The following RAB27B variants were observed in gnomAD, a reference collection of about 807,000 sequenced individuals.
RAB27B encodes the protein RAB27B, member RAS oncogene family, also known as ras-related protein Rab-27B.
A neutral mutation model predicts 24.6 loss-of-function variants in RAB27B; 15 were observed. The ratio of observed to expected loss-of-function variants is 0.61; its 90% confidence interval spans 0.41 to 0.94. The LOEUF (loss-of-function observed/expected upper bound fraction) is 0.94, where lower values mean the gene tolerates loss of function less well. RAB27B is among the 40% of genes least tolerant of loss of function. The probability of loss-of-function intolerance (pLI) is 0.00; values close to 1 mark genes in which losing one functional copy is unlikely to be tolerated. For synonymous variants in RAB27B, 105 were observed against 92.5 expected, an observed-to-expected ratio of 1.14 and a Z score of -0.78; for missense variants, 261 against 266.8, an observed-to-expected ratio of 0.98 and a Z score of 0.15.
intron 2 of RAB27B, among the ~76,000 whole-genome samples, chr18:54,721,384 G>A (rs1361042623): frequency 6.6e-6 from 1 of 152,138 alleles, no homozygotes; most frequent in East Asian, 1.9e-4. Flanking sequence ...TAACGCTAAG[G>A]AAACTTGTTG....
intron 1 of RAB27B, among the ~76,000 whole-genome samples, chr18:54,868,722 G>C (rs1215811167): frequency 6.6e-6 from 1 of 151,974 alleles, no homozygotes; most frequent in Non-Finnish European, 1.5e-5. Context: ...TGCCTCCCGG[G>C]TTCAAGTGAT....
intron 4 of RAB27B, among the ~76,000 whole-genome samples, chr18:54,886,748 G>C (rs1383834625): frequency 6.6e-6 from 1 of 151,842 alleles, no homozygotes; most frequent in Non-Finnish European, 1.5e-5. Context: ...GTCTCCAGAA[G>C]GATATTGCTG....
At chr18:54,797,746 G>C (rs1909470949) in intron 2 of RAB27B, among the ~76,000 whole-genome samples, 1 of 152,164 alleles carries the variant, frequency 6.6e-6, no homozygotes. Flanking sequence ...CTCGTCTCGG[G>C]AGTGGTCTGG....
At chr18:54,757,423 A>G (rs1259859123) in intron 2 of RAB27B, among the ~76,000 whole-genome samples, 1 of 152,226 alleles carries the variant, frequency 6.6e-6, no homozygotes, top group Non-Finnish European at 1.5e-5. Context: ...CTTCGCAATT[A>G]TCATACCTTT....
chr18:54,775,052 A>G (rs7227986), intron 2 of RAB27B, among the ~76,000 whole-genome samples: 68,302 of 152,008 alleles, frequency 0.45, 17,195 homozygotes, highest in Middle Eastern at 0.59. Context: ...GCATCCTGGG[A>G]GGAACTTGGC....
intron 2 of RAB27B, among the ~76,000 whole-genome samples, chr18:54,783,643 G>A (rs1908988205): frequency 6.6e-6 from 1 of 152,124 alleles, no homozygotes; most frequent in Non-Finnish European, 1.5e-5. Flanking sequence ...TTATTGTGAG[G>A]ATGCACGGGT....
At chr18:54,761,367 A>T (rs2145051075) in intron 2 of RAB27B, among the ~76,000 whole-genome samples, 1 of 152,320 alleles carries the variant, frequency 6.6e-6, no homozygotes, top group South Asian at 2.1e-4. Context: ...GAAATTCAAC[A>T]CATTTATTCA....
chr18:54,850,675 A>AT (rs571282213), intron 1 of RAB27B, among the ~76,000 whole-genome samples: 3 of 150,930 alleles, frequency 2.0e-5, no homozygotes, highest in South Asian at 2.1e-4. Flanking sequence ...TTCAGAATGT[A>AT]TTTTTTTGCC....
chr18:54,766,250 A>G (rs955742525), intron 2 of RAB27B, among the ~76,000 whole-genome samples: 1 of 152,220 alleles, frequency 6.6e-6, no homozygotes, highest in Non-Finnish European at 1.5e-5. Context: ...AGCAAAGTCA[A>G]CAGGAAACAC....
intron 2 of RAB27B, among the ~76,000 whole-genome samples, chr18:54,734,325 G>T (rs1346882603): frequency 6.6e-6 from 1 of 152,082 alleles, no homozygotes; most frequent in African/African-American, 2.4e-5. Flanking sequence ...ATCCCTAAGA[G>T]CCTGTTCTTT....
chr18:54,778,784 T>C (rs1029043621), intron 2 of RAB27B, among the ~76,000 whole-genome samples: 2 of 152,152 alleles, frequency 1.3e-5, no homozygotes, highest in Non-Finnish European at 2.9e-5. Context: ...CTCTGCTTTG[T>C]TCAGCCTAGC....
chr18:54,884,460 A>G, intron 4 of RAB27B, 24 bp downstream of exon 4: 1 of 1,508,648 alleles, frequency 6.6e-7, no homozygotes, highest in Non-Finnish European at 9.2e-7. Flanking sequence ...AGTAATGTGC[A>G]TTGGCCGCTT....
chr18:54,748,418 T>C (rs899817318), intron 2 of RAB27B, among the ~76,000 whole-genome samples: 1 of 152,210 alleles, frequency 6.6e-6, no homozygotes, highest in African/African-American at 2.4e-5. Flanking sequence ...ATTAATAAAA[T>C]ACAACCATTT....
chr18:54,819,652 G>C (rs1418459384), intron 2 of RAB27B, among the ~76,000 whole-genome samples: 2 of 150,794 alleles, frequency 1.3e-5, no homozygotes, highest in Non-Finnish European at 2.9e-5. Context: ...TACAGTTTTA[G>C]AGTACATGTG....
intron 2 of RAB27B, among the ~76,000 whole-genome samples, chr18:54,759,997 C>T (rs750239100): frequency 1.3e-5 from 2 of 152,124 alleles, no homozygotes; most frequent in Non-Finnish European, 2.9e-5. Flanking sequence ...AACAAGAGCT[C>T]GGGATACAGA....
upstream of RAB27B, among the ~76,000 whole-genome samples, chr18:54,824,426 C>T (rs1296575484): frequency 6.6e-6 from 1 of 152,222 alleles, no homozygotes; most frequent in Non-Finnish European, 1.5e-5. Flanking sequence ...AAGTTTACTT[C>T]TAGCTCATGT....
chr18:54,824,753 G>A (rs1910419436), upstream of RAB27B, among the ~76,000 whole-genome samples: 1 of 152,166 alleles, frequency 6.6e-6, no homozygotes, highest in Non-Finnish European at 1.5e-5. Flanking sequence ...ATGGAATCTG[G>A]CGGGCACTTC....
intron 2 of RAB27B, among the ~76,000 whole-genome samples, chr18:54,772,783 G>T (rs546020646): frequency 2.0e-5 from 3 of 152,258 alleles, no homozygotes; most frequent in Non-Finnish European, 4.4e-5. Context: ...TTAGGGATAT[G>T]CTTGGTATAA....
chr18:54,844,395 TTTC>T (rs1409614514), intron 1 of RAB27B, among the ~76,000 whole-genome samples: 3 of 97,470 alleles, frequency 3.1e-5, no homozygotes, highest in Admixed American at 1.5e-4. Context: ...TCTTTCTTTC[TTTC>T]TTTTCTTTTC....
Sources: gnomAD v4.1 joint callset for allele counts (sites outside exome capture counted in the v4.1 genomes callset) on GRCh38, gnomAD v4.1.1 for gene constraint, MANE v1.5 for transcripts, NCBI Gene and HGNC (gene_info 2026-07-23, HGNC 2026-07-21) for gene names.